Variants in BICD1 observed in about 807,000 individuals in gnomAD.
The protein encoded by BICD1 is protein bicaudal D homolog 1.
In BICD1, 35 loss-of-function variants were observed where a neutral mutation model predicts 92.5. The ratio of observed to expected loss-of-function variants is 0.38; its 90% CI spans 0.29 to 0.50. The LOEUF (loss-of-function observed/expected upper bound fraction) is 0.50, where lower values mean the gene tolerates loss of function less well. Among genes scored for constraint, BICD1 ranks in the 20% least tolerant of loss-of-function variants. The probability of loss-of-function intolerance (pLI) is 0.93; values close to 1 mark genes in which losing one functional copy is unlikely to be tolerated. For missense variants in BICD1, 950 were observed against 1,189.8 expected (o/e 0.80, Z 2.97); for synonymous variants, 429 against 465.1 (o/e 0.92, Z 1.00).
In BICD1 at chr12:32,107,174, C is replaced by T; in HGVS notation, c.-158C>T. The T allele has an allele frequency of 1.4e-6, 1 of 694,382 alleles. No individual in the cohort carries two copies. Among genetic ancestry groups the T allele is most frequent in the South Asian group, 1.9e-5 (1 of 53,032 alleles). 43.0% of individuals were successfully genotyped at this position (694,382 alleles called of 1,614,324 possible). A position where few individuals can be genotyped will look rare whatever the true frequency, so the allele number is the denominator to read the frequency against. On this transcript the variant is annotated 5_prime_UTR_variant, in exon 1 of 10. Transcript: ENST00000652176. ...TTCTCGGGCGGTGTAGCTGCCGCTG[C>T]CACCAGAGCCGGCGGGGCATCGCGC...
chr12:32,346,569 TATATATATATATAC>T (rs1938599030), intron 8 of BICD1, among the ~76,000 whole-genome samples: 5 of 43,540 alleles, frequency 1.1e-4, no homozygotes, highest in African/African-American at 1.8e-4. Flanking sequence ...TATATATATA[TATATATATATATAC>T]GTGTATATAT....
intron 9 of BICD1, among the ~76,000 whole-genome samples, chr12:32,370,259 C>T (rs563142956): frequency 4.0e-5 from 6 of 151,254 alleles, no homozygotes; most frequent in East Asian, 1.9e-4. Context: ...CTCAGGTTCT[C>T]GGGAGGCTGA....
chr12:32,180,940 T>A (rs1000435969), intron 1 of BICD1, among the ~76,000 whole-genome samples: 7 of 151,226 alleles, frequency 4.6e-5, no homozygotes, highest in African/African-American at 1.7e-4. Context: ...GGCACCAAAT[T>A]TTTTTTTTTA....
intron 3 of BICD1, among the ~76,000 whole-genome samples, chr12:32,301,018 C>G (rs1412827419): frequency 2.6e-5 from 4 of 152,126 alleles, no homozygotes; most frequent in Admixed American, 2.0e-4. Context: ...CTGTCTGAAG[C>G]AATTTCCAAG....
At position 32,364,776 on chromosome 12, in the gene BICD1, A is replaced by G. The variant is rs1423852883; in HGVS notation, c.2765-2894A>G. ...GACCAGCCTAGGCAAAATAGCTAGA[A>G]CCTGTCTCTACAAAAATTTAAAAAA... On this transcript the variant is annotated intron_variant, in intron 8 of 9. Coordinates refer to ENST00000652176, the MANE Select transcript of BICD1 (RefSeq NM_001714.4). Among the ~76,000 whole-genome samples, 5 of 150,930 alleles carry G rather than the reference A, an allele frequency of 3.3e-5. No homozygotes were observed. The Middle Eastern group carries it at 0.01, about 308-fold the overall frequency.
At chr12:32,294,615 C>T (rs191771332) in intron 3 of BICD1, among the ~76,000 whole-genome samples, 96 of 123,216 alleles carry the variant, frequency 7.8e-4, no homozygotes, top group Middle Eastern at 4.5e-3. Context: ...AGTGAGACTC[C>T]GTCTTAAAAA....
In BICD1 at chr12:32,377,622, C is replaced by T. The variant is rs1387053896; in HGVS notation, c.2923C>T (p.Pro975Ser). Reference protein sequence around the residue: ...PLHCLSKPPHP With the variant: ...PLHCLSKPPHS ...CCACTGTCTCTCCAAGCCTCCTCACCCCTAGTCTTCATCTCCTGTGGACGA... is the reference window on the plus strand; with the variant it reads ...CCACTGTCTCTCCAAGCCTCCTCACTCCTAGTCTTCATCTCCTGTGGACGA... Residue 975 changes from proline to serine, a missense_variant, in exon 10 of 10, where the codon CCC (proline) becomes TCC (serine). This residue lies in a region of BICD1 where 179 missense variants were observed against 186.7 expected (regional missense o/e 0.96). Transcript: ENST00000652176. 1 of 1,612,400 alleles carries T rather than the reference C, an allele frequency of 6.2e-7. No individual in the cohort carries two copies. The highest frequency in any genetic ancestry group is 1.7e-5 in the Admixed American group (1 of 60,018).
intron 1 of BICD1, among the ~76,000 whole-genome samples, chr12:32,118,724 C>A (rs971962944): frequency 6.6e-6 from 1 of 152,200 alleles, no homozygotes; most frequent in Admixed American, 6.5e-5. Context: ...AACCCCCACA[C>A]CCTCACCCAG....
chr12:32,233,985 T>C (rs1391861146), intron 2 of BICD1, among the ~76,000 whole-genome samples: 1 of 152,198 alleles, frequency 6.6e-6, no homozygotes, highest in African/African-American at 2.4e-5. Context: ...AACATATACT[T>C]GAGCAACCTA....
intron 1 of BICD1, among the ~76,000 whole-genome samples, chr12:32,193,423 C>G (rs1944632670): frequency 6.6e-6 from 1 of 152,214 alleles, no homozygotes; most frequent in South Asian, 2.1e-4. Flanking sequence ...ACATAACTTT[C>G]ATATGCACTG....
chr12:32,330,727 T>C (rs1937822008), intron 5 of BICD1, among the ~76,000 whole-genome samples: 1 of 152,146 alleles, frequency 6.6e-6, no homozygotes, highest in Non-Finnish European at 1.5e-5. Context: ...TTCAGAGTGG[T>C]CATAAATAAC....
chr12:32,364,583 T>C (rs1489701995), intron 8 of BICD1, among the ~76,000 whole-genome samples: 2 of 152,222 alleles, frequency 1.3e-5, no homozygotes, highest in African/African-American at 4.8e-5. Flanking sequence ...CACCATTTTA[T>C]CTATGAAATT....
intron 3 of BICD1, among the ~76,000 whole-genome samples, chr12:32,297,019 A>G (rs1214903237): frequency 1.3e-5 from 2 of 152,176 alleles, no homozygotes; most frequent in African/African-American, 2.4e-5. Context: ...TTAAGTATCT[A>G]ATTAATTCAT....
intron 1 of BICD1, among the ~76,000 whole-genome samples, chr12:32,126,670 T>C (rs895739606): frequency 6.6e-6 from 1 of 151,870 alleles, no homozygotes; most frequent in African/African-American, 2.4e-5. Context: ...GGCAGGAGAA[T>C]TGCTTGAACC....
At chr12:32,232,803 A>G (rs1945931633) in intron 2 of BICD1, among the ~76,000 whole-genome samples, 1 of 152,160 alleles carries the variant, frequency 6.6e-6, no homozygotes, top group African/African-American at 2.4e-5. Flanking sequence ...AGCTTTCTAC[A>G]TATGGCTAGC....
intron 2 of BICD1, among the ~76,000 whole-genome samples, chr12:32,256,377 C>T (rs1220462358): frequency 2.0e-5 from 3 of 152,096 alleles, no homozygotes; most frequent in African/African-American, 7.2e-5. Context: ...TAATTTAACC[C>T]TCACAGCCAT....
chr12:32,267,468 C>T (rs1373009314), intron 2 of BICD1, among the ~76,000 whole-genome samples: 8 of 152,138 alleles, frequency 5.3e-5, no homozygotes, highest in South Asian at 2.1e-4. Context: ...TGAATCCATA[C>T]TAAATATAAA....
chr12:32,322,221 T>C (rs535002520), intron 4 of BICD1, among the ~76,000 whole-genome samples: 3 of 152,190 alleles, frequency 2.0e-5, no homozygotes, highest in African/African-American at 7.2e-5. Flanking sequence ...TATATGTGTA[T>C]AATATATATT....
At chr12:32,255,968 AATTT>A (rs1414928271) in intron 2 of BICD1, among the ~76,000 whole-genome samples, 1 of 152,316 alleles carries the variant, frequency 6.6e-6, no homozygotes, top group East Asian at 1.9e-4. Flanking sequence ...AATTATTATT[AATTT>A]ATCAATAGAG....
Sources: gnomAD v4.1 joint callset for allele counts (sites outside exome capture counted in the v4.1 genomes callset) on GRCh38, gnomAD v4.1.1 for gene constraint, gnomAD v4.1.1 regional missense constraint, MANE v1.5 for transcripts, NCBI Gene and HGNC (gene_info 2026-07-23, HGNC 2026-07-21) for gene names.